PDSS2: variants seen among roughly 807,000 people sequenced by gnomAD.
PDSS2 encodes the protein all trans-polyprenyl-diphosphate synthase PDSS2.
PDSS2 carries 31 observed loss-of-function variants against 44.5 expected under a neutral mutation model. The ratio of observed to expected loss-of-function variants is 0.70; its 90% CI spans 0.52 to 0.94. The LOEUF is 0.94. PDSS2 is among the 40% of genes least tolerant of loss of function. The probability of loss-of-function intolerance (pLI) is 0.00; values close to 1 mark genes in which losing one functional copy is unlikely to be tolerated. For synonymous variants in PDSS2, 157 were observed against 180.3 expected, an observed-to-expected ratio of 0.87 and a Z score of 1.03; for missense variants, 452 against 482.2, an observed-to-expected ratio of 0.94 and a Z score of 0.59.
Position 107,154,418 on chromosome 6 carries a change from T to G in PDSS2, c.*201A>C, listed in dbSNP as rs1398335788. 1.8e-6 allele frequency: 1 copy of G among 560,506 alleles called. No individual in the cohort carries two copies. Among genetic ancestry groups the G allele is most frequent in the Non-Finnish European group, 3.2e-6 (1 of 314,374 alleles). 34.7% of individuals were successfully genotyped at this position (560,506 alleles called of 1,614,324 possible). On this transcript the variant is annotated 3_prime_UTR_variant, in exon 8 of 8. Coordinates refer to ENST00000369037, the MANE Select transcript of PDSS2 (RefSeq NM_020381.4). ...TCAAGTGTGCTTCTGGCGTGACAAG[T>G]GAAAACTGCTTGACCTTTTTTTCTT...
chr6:107,251,833 C>A (rs1479499175), intron 3 of PDSS2, among the ~76,000 whole-genome samples: 3 of 152,054 alleles, frequency 2.0e-5, no homozygotes, highest in African/African-American at 7.3e-5. Flanking sequence ...CTCTTTACTT[C>A]ATAAAAATGA....
intron 4 of PDSS2, among the ~76,000 whole-genome samples, chr6:107,215,767 T>C (rs1173463773): frequency 6.6e-6 from 1 of 152,200 alleles, no homozygotes; most frequent in Non-Finnish European, 1.5e-5. Context: ...ATAGCTTTCA[T>C]ACATAAAAAC....
intron 1 of PDSS2, among the ~76,000 whole-genome samples, chr6:107,438,044 T>C (rs768269016): frequency 1.3e-5 from 2 of 152,082 alleles, no homozygotes; most frequent in African/African-American, 4.8e-5. Context: ...TGGTAGTAGT[T>C]AACTGACAGA....
At chr6:107,452,662 T>G (rs1441227776) in intron 1 of PDSS2, among the ~76,000 whole-genome samples, 1 of 152,018 alleles carries the variant, frequency 6.6e-6, no homozygotes, top group Admixed American at 6.6e-5. Context: ...CAGAGCTAAG[T>G]TTCAAACTTT....
intron 1 of PDSS2, among the ~76,000 whole-genome samples, chr6:107,430,326 C>G (rs1278093829): frequency 6.6e-6 from 1 of 151,830 alleles, no homozygotes; most frequent in African/African-American, 2.4e-5. Flanking sequence ...ACGACAACAC[C>G]CTGTCTCTAC....
At chr6:107,364,584 C>A (rs1003539898) in intron 1 of PDSS2, among the ~76,000 whole-genome samples, 1 of 152,228 alleles carries the variant, frequency 6.6e-6, no homozygotes, top group Admixed American at 6.5e-5. Flanking sequence ...CCAGCTGGCC[C>A]GCAAGCGCTG....
intron 1 of PDSS2, among the ~76,000 whole-genome samples, chr6:107,408,871 C>T (rs1295864184): frequency 6.6e-6 from 1 of 152,130 alleles, no homozygotes; most frequent in Non-Finnish European, 1.5e-5. Context: ...ACACTCCAAG[C>T]TACGAAGGAA....
chr6:107,406,300 G>A (rs761312657), intron 1 of PDSS2, among the ~76,000 whole-genome samples: 1 of 152,034 alleles, frequency 6.6e-6, no homozygotes, highest in Non-Finnish European at 1.5e-5. Flanking sequence ...AACTTTTTTA[G>A]ATGATCAAAA....
intron 1 of PDSS2, among the ~76,000 whole-genome samples, chr6:107,428,503 A>G (rs1396639764): frequency 1.3e-5 from 2 of 152,156 alleles, no homozygotes; most frequent in Non-Finnish European, 2.9e-5. Flanking sequence ...GGCTTTCTGT[A>G]TCAAGTATAT....
chr6:107,261,578 C>CTTTTCTTTTT (rs1775223987), intron 3 of PDSS2, among the ~76,000 whole-genome samples: 1 of 112,842 alleles, frequency 8.9e-6, no homozygotes, highest in Admixed American at 9.9e-5. Flanking sequence ...TCTTTTCTTT[C>CTTTTCTTTTT]TTTTTTTTTT....
chr6:107,346,293 C>A (rs1336564164), intron 1 of PDSS2, among the ~76,000 whole-genome samples: 2 of 152,186 alleles, frequency 1.3e-5, no homozygotes, highest in Non-Finnish European at 1.5e-5. Flanking sequence ...GCTGCAGGGG[C>A]AACTGTTTCA....
chr6:107,458,412 C>CATAAAAAAAAAAAAA (rs1782120537), intron 1 of PDSS2, among the ~76,000 whole-genome samples: 1 of 78,182 alleles, frequency 1.3e-5, no homozygotes, highest in Non-Finnish European at 2.5e-5. Context: ...GACTCCGTCT[C>CATAAAAAAAAAAAAA]AAAAAAAAAA....
intron 2 of PDSS2, among the ~76,000 whole-genome samples, chr6:107,290,526 C>T (rs1169572378): frequency 6.6e-6 from 1 of 152,128 alleles, no homozygotes; most frequent in African/African-American, 2.4e-5. Flanking sequence ...ACAATTTCTC[C>T]ACCCCCCGCC....
At chr6:107,332,379 T>G (rs898521537) in intron 2 of PDSS2, among the ~76,000 whole-genome samples, 1 of 152,128 alleles carries the variant, frequency 6.6e-6, no homozygotes, top group Non-Finnish European at 1.5e-5. Context: ...GTGCTGGGAT[T>G]ATGGGCATCA....
chr6:107,395,603 T>G (rs986426273), intron 1 of PDSS2, among the ~76,000 whole-genome samples: 2 of 152,160 alleles, frequency 1.3e-5, no homozygotes, highest in African/African-American at 2.4e-5. Flanking sequence ...ATAAGTTCCA[T>G]TTGGCTCTTT....
At chr6:107,367,126 A>T (rs953719623) in intron 1 of PDSS2, among the ~76,000 whole-genome samples, 4 of 152,208 alleles carry the variant, frequency 2.6e-5, no homozygotes, top group African/African-American at 7.2e-5. Flanking sequence ...AAAGAGGCTC[A>T]TATACCACGA....
At chr6:107,358,980 C>A (rs1323252211) in intron 1 of PDSS2, among the ~76,000 whole-genome samples, 2 of 146,404 alleles carry the variant, frequency 1.4e-5, no homozygotes, top group Non-Finnish European at 3.0e-5. Context: ...AGAGGCAAAG[C>A]AAATCAGGAG....
intron 4 of PDSS2, among the ~76,000 whole-genome samples, chr6:107,238,545 T>C (rs1774307994): frequency 6.6e-6 from 1 of 152,228 alleles, no homozygotes; most frequent in South Asian, 2.1e-4. Context: ...GAATGAGCTG[T>C]GATAACATGT....
At chr6:107,218,734 C>T (rs2114667937) in intron 4 of PDSS2, among the ~76,000 whole-genome samples, 1 of 152,272 alleles carries the variant, frequency 6.6e-6, no homozygotes, top group South Asian at 2.1e-4. Context: ...CTCTATCTTT[C>T]CTAACTTGGT....
Sources: allele counts gnomAD v4.1 joint callset (sites outside exome capture counted in the v4.1 genomes callset), GRCh38; gene constraint gnomAD v4.1.1; transcripts MANE v1.5; gene names NCBI Gene and HGNC (gene_info 2026-07-23, HGNC 2026-07-21).